TBC1D19: variants seen among roughly 807,000 people sequenced by gnomAD.
The protein encoded by TBC1D19 is TBC1 domain family member 19, also known as TBC1 domain family, member 19.
TBC1D19 carries 60 observed loss-of-function variants against 89.0 expected under a neutral mutation model. That is an observed-to-expected ratio of 0.67 (90% CI 0.55 to 0.84). The LOEUF (loss-of-function observed/expected upper bound fraction) is 0.84. TBC1D19 is among the 40% of genes least tolerant of loss of function. The pLI, the probability that TBC1D19 is intolerant of heterozygous loss-of-function variation, is 0.00. For missense variants in TBC1D19, 500 were observed against 610.8 expected, an observed-to-expected ratio of 0.82 and a Z score of 1.91; for synonymous variants, 189 against 199.7, an observed-to-expected ratio of 0.95 and a Z score of 0.45.
intron 13 of TBC1D19, among the ~76,000 whole-genome samples, chr4:26,703,804 A>AG (rs1715519266): frequency 6.6e-6 from 1 of 151,498 alleles, no homozygotes; most frequent in African/African-American, 2.4e-5. Flanking sequence ...ATACAAAAAA[A>AG]AAAAAAATTA....
At chr4:26,684,376 G>T (rs1577929749) in intron 12 of TBC1D19, among the ~76,000 whole-genome samples, 1 of 152,276 alleles carries the variant, frequency 6.6e-6, no homozygotes, top group Admixed American at 6.5e-5. Flanking sequence ...CTGCCATGGG[G>T]TGATGCCAGG....
At chr4:26,815,515 T>C in the TBC1D19 span, among the ~76,000 whole-genome samples, 1 of 152,238 alleles carries the variant, frequency 6.6e-6, no homozygotes, top group Non-Finnish European at 1.5e-5. Context: ...TGATTTCACA[T>C]GTAAATAACT....
the TBC1D19 span, among the ~76,000 whole-genome samples, chr4:26,773,670 A>G: frequency 1.3e-5 from 2 of 151,960 alleles, no homozygotes; most frequent in African/African-American, 2.4e-5. Flanking sequence ...TTCAGTTTCA[A>G]TTTTCTGCAT....
chr4:26,765,000 C>G, the TBC1D19 span, among the ~76,000 whole-genome samples: 1 of 151,942 alleles, frequency 6.6e-6, no homozygotes, highest in African/African-American at 2.4e-5. Flanking sequence ...GTCAAAAAAC[C>G]AAGAATCCAT....
At chr4:26,800,355 A>G in the TBC1D19 span, among the ~76,000 whole-genome samples, 92 of 152,348 alleles carry the variant, frequency 6.0e-4, no homozygotes, top group Non-Finnish European at 1.2e-3. Context: ...TTATGGCTGC[A>G]TAGTATTCCA....
At chr4:26,594,084 C>G (rs1043737047) in intron 1 of TBC1D19, among the ~76,000 whole-genome samples, 16 of 152,256 alleles carry the variant, frequency 1.1e-4, no homozygotes, top group African/African-American at 3.9e-4. Context: ...AGACTTGGAA[C>G]CAACCCAAAT....
chr4:26,604,341 A>G (rs1480329095), intron 1 of TBC1D19, among the ~76,000 whole-genome samples: 1 of 150,204 alleles, frequency 6.7e-6, no homozygotes, highest in Non-Finnish European at 1.5e-5. Context: ...TTTAGTAGAG[A>G]TGGGGTTTCG....
At chr4:26,748,606 A>C (rs2109329310) in intron 19 of TBC1D19, 80 bp downstream of exon 19, 2 of 1,026,252 alleles carry the variant, frequency 1.9e-6, no homozygotes, top group Middle Eastern at 2.1e-4. Flanking sequence ...CACCATCCGT[A>C]ACTGGAATTT....
intron 9 of TBC1D19, among the ~76,000 whole-genome samples, chr4:26,666,698 C>A (rs1030921670): frequency 6.6e-6 from 1 of 151,866 alleles, no homozygotes. Context: ...CCTTTCCTGG[C>A]CATCAGCATC....
At chr4:26,695,978 A>C (rs528180033) in intron 13 of TBC1D19, among the ~76,000 whole-genome samples, 20 of 152,364 alleles carry the variant, frequency 1.3e-4, no homozygotes, top group Non-Finnish European at 2.4e-4. Flanking sequence ...AGCTAACGTC[A>C]TAATGACAGG....
intron 8 of TBC1D19, among the ~76,000 whole-genome samples, chr4:26,665,020 C>G (rs997692863): frequency 6.6e-6 from 1 of 151,950 alleles, no homozygotes; most frequent in Admixed American, 6.6e-5. Flanking sequence ...GGAGGTTGGC[C>G]GACGATCGCT....
chr4:26,665,062 A>G (rs537866466), intron 8 of TBC1D19, among the ~76,000 whole-genome samples: 1 of 152,198 alleles, frequency 6.6e-6, no homozygotes, highest in East Asian at 1.9e-4. Flanking sequence ...GGGGCATAGT[A>G]GGGGACGTGC....
chr4:26,805,574 G>A, the TBC1D19 span, among the ~76,000 whole-genome samples: 25 of 152,152 alleles, frequency 1.6e-4, no homozygotes, highest in Non-Finnish European at 2.2e-4. Context: ...GTGCTTTCTC[G>A]TTCCCTTTCA....
At chr4:26,680,051 G>C (rs1474756358) in intron 11 of TBC1D19, among the ~76,000 whole-genome samples, 1 of 152,118 alleles carries the variant, frequency 6.6e-6, no homozygotes, top group Non-Finnish European at 1.5e-5. Flanking sequence ...CCTGAGATCT[G>C]ATGGTTTTAT....
the TBC1D19 span, among the ~76,000 whole-genome samples, chr4:26,769,731 A>G: frequency 6.6e-6 from 1 of 151,750 alleles, no homozygotes; most frequent in Non-Finnish European, 1.5e-5. Flanking sequence ...TTTTTTTTGC[A>G]GAGACTGTGT....
intron 15 of TBC1D19, among the ~76,000 whole-genome samples, chr4:26,726,775 G>A (rs1427890183): frequency 5.9e-5 from 9 of 152,020 alleles, no homozygotes; most frequent in Admixed American, 3.3e-4. Flanking sequence ...GGCGAGTTAC[G>A]GTACAATGAT....
the TBC1D19 span, among the ~76,000 whole-genome samples, chr4:26,841,769 G>A: frequency 6.6e-6 from 1 of 152,100 alleles, no homozygotes; most frequent in African/African-American, 2.4e-5. Flanking sequence ...TCTGAGTCTG[G>A]CTTGTGTTCA....
chr4:26,584,519 C>T (rs903626673), intron 1 of TBC1D19, among the ~76,000 whole-genome samples: 6 of 152,174 alleles, frequency 3.9e-5, no homozygotes, highest in African/African-American at 1.2e-4. Context: ...CAGCCCCAGG[C>T]GTGGTTAATA....
At chr4:26,679,150 A>G (rs1713107322) in intron 11 of TBC1D19, among the ~76,000 whole-genome samples, 1 of 152,142 alleles carries the variant, frequency 6.6e-6, no homozygotes, top group African/African-American at 2.4e-5. Context: ...CCATGGGGAA[A>G]ATGCCTCCAG....
Sources: allele counts gnomAD v4.1 joint callset (sites outside exome capture counted in the v4.1 genomes callset), GRCh38; gene constraint gnomAD v4.1.1; transcripts MANE v1.5; gene names NCBI Gene and HGNC (gene_info 2026-07-23, HGNC 2026-07-21).